The following DNAH8 variants were observed in gnomAD, a reference collection of about 807,000 sequenced individuals.
DNAH8 encodes the protein axonemal beta dynein heavy chain 8.
DNAH8 carries 382 observed loss-of-function variants against 562.1 expected under a neutral mutation model. The ratio of observed to expected loss-of-function variants is 0.68; its 90% confidence interval spans 0.63 to 0.74. The LOEUF is 0.74. Among genes scored for constraint, DNAH8 ranks in the 30% least tolerant of loss-of-function variants. The probability of loss-of-function intolerance (pLI) is 0.00; values close to 1 mark genes in which losing one functional copy is unlikely to be tolerated. For synonymous variants in DNAH8, 1,881 were observed against 1,919.4 expected (o/e 0.98, Z 0.52); for missense variants, 5,203 against 5,620.4 (o/e 0.93, Z 2.37).
chr6:39,010,790 C>T (rs543317426), intron 89 of DNAH8, among the ~76,000 whole-genome samples: 4 of 131,558 alleles, frequency 3.0e-5, no homozygotes, highest in South Asian at 2.5e-4. Context: ...TACACACACA[C>T]GCACGTGTAC....
intron 88 of DNAH8, among the ~76,000 whole-genome samples, chr6:39,002,903 A>C (rs1028734413): frequency 1.3e-5 from 2 of 152,204 alleles, no homozygotes; most frequent in Non-Finnish European, 2.9e-5. Context: ...ATGACACCTT[A>C]TGCATTTATC....
chr6:38,858,646 C>A (rs1776379254), intron 42 of DNAH8, among the ~76,000 whole-genome samples: 1 of 152,168 alleles, frequency 6.6e-6, no homozygotes, highest in Admixed American at 6.5e-5. Flanking sequence ...TGCATTTTAT[C>A]AAGATTCTTA....
At chr6:38,917,141 T>C (rs180889215) in intron 68 of DNAH8, 98 bp from the exon 69 acceptor site, 40 of 855,982 alleles carry the variant, frequency 4.7e-5, no homozygotes, top group Non-Finnish European at 6.2e-5. Context: ...AAATATGTTT[T>C]AAAGTTTTCT....
At chr6:38,772,390 C>T (rs2127624500) in intron 12 of DNAH8, among the ~76,000 whole-genome samples, 1 of 152,252 alleles carries the variant, frequency 6.6e-6, no homozygotes, top group South Asian at 2.1e-4. Context: ...TTGAATTTAG[C>T]CATTCTACTG....
At chr6:38,956,173 A>T (rs1223467471) in intron 82 of DNAH8, among the ~76,000 whole-genome samples, 1 of 152,214 alleles carries the variant, frequency 6.6e-6, no homozygotes, top group African/African-American at 2.4e-5. Flanking sequence ...AGGCTTGCTC[A>T]TATCTAGCAG....
intron 8 of DNAH8, 54 bp downstream of exon 8, chr6:38,741,941 A>T: frequency 2.0e-6 from 3 of 1,476,246 alleles, no homozygotes; most frequent in Non-Finnish European, 2.8e-6. Flanking sequence ...CAACTAGAAA[A>T]TTATCCTATT....
Position 38,929,509 on chromosome 6 carries a change from A to C in DNAH8, c.11119-2A>C, listed in dbSNP as rs760631629. ...ATAGACCAATGAGTTCTTTCTGTTT[A>C]GGTGACATCTCTGAACCATAAATAT... is the stretch of plus-strand genomic sequence containing the variant. On this transcript the variant is annotated splice_acceptor_variant, in intron 74 of 92. Coordinates refer to ENST00000327475, the MANE Select transcript of DNAH8 (RefSeq NM_001206927.2). LOFTEE classifies it high-confidence loss of function. 2 of 1,608,122 alleles carry C rather than the reference A, an allele frequency of 1.2e-6. No homozygotes were observed. The highest frequency in any genetic ancestry group is 2.7e-5 in the African/African-American group (2 of 74,676).
chr6:38,869,279 C>T (rs1777288161), intron 48 of DNAH8, among the ~76,000 whole-genome samples: 1 of 152,122 alleles, frequency 6.6e-6, no homozygotes, highest in African/African-American at 2.4e-5. Flanking sequence ...CCCATAATCA[C>T]CATCAGCTGA....
intron 57 of DNAH8, among the ~76,000 whole-genome samples, chr6:38,888,026 A>T (rs771669455): frequency 4.6e-5 from 7 of 151,668 alleles, no homozygotes; most frequent in Non-Finnish European, 8.8e-5. Context: ...TTTAGTAGAG[A>T]CGGGGTTTCA....
At chr6:38,923,456 A>G (rs923839062) in intron 72 of DNAH8, 2 of 289,340 alleles carry the variant, frequency 6.9e-6, no homozygotes, top group Non-Finnish European at 1.3e-5. Flanking sequence ...CCAGTTCTCT[A>G]TGCTTCACCT....
intron 91 of DNAH8, among the ~76,000 whole-genome samples, chr6:39,013,798 C>A (rs1203612913): frequency 6.6e-6 from 1 of 151,574 alleles, no homozygotes; most frequent in Non-Finnish European, 1.5e-5. Flanking sequence ...TTGCAGTGAG[C>A]CATAATTGCA....
At chr6:38,825,633 T>C (rs1368391432) in intron 28 of DNAH8, among the ~76,000 whole-genome samples, 1 of 152,114 alleles carries the variant, frequency 6.6e-6, no homozygotes, top group African/African-American at 2.4e-5. Context: ...GAAAAGACTC[T>C]GATTGGTCCA....
At chr6:38,923,260 T>G in intron 72 of DNAH8, 75 bp downstream of exon 72, 1 of 1,557,492 alleles carries the variant, frequency 6.4e-7, no homozygotes, top group Non-Finnish European at 8.7e-7. Flanking sequence ...TTCCATGTGT[T>G]CATCTCTGAA....
In DNAH8 at chr6:38,938,012, C is replaced by T. The variant is rs769929539; in HGVS notation, c.11602C>T (p.Arg3868Ter). The T allele has an allele frequency of 3.8e-5, 61 of 1,613,496 alleles. No individual in the cohort carries two copies. Among genetic ancestry groups the T allele is most frequent in the Non-Finnish European group, 4.2e-5 (49 of 1,179,934 alleles). Reference sequence around the variant, plus strand: ...TGACGAATCTCTCATTGGTGTACTTCGAACTACCAAGCAGACAGCAGCTGA... The same window carrying T: ...TGACGAATCTCTCATTGGTGTACTTTGAACTACCAAGCAGACAGCAGCTGA... ...VDDESLIGVL[R>*]TTKQTAAEVS... Residue 3868 changes from arginine to a stop codon, truncating the protein, a stop_gained, in exon 78 of 93, where the codon CGA becomes TGA. Coordinates refer to ENST00000327475, the MANE Select transcript of DNAH8 (RefSeq NM_001206927.2). LOFTEE classifies it high-confidence loss of function.
intron 20 of DNAH8, among the ~76,000 whole-genome samples, chr6:38,790,873 G>A (rs1036399904): frequency 6.6e-6 from 1 of 151,712 alleles, no homozygotes; most frequent in Admixed American, 6.6e-5. Flanking sequence ...ACTGGATTGG[G>A]GTCTTCATTT....
At chr6:39,021,322 T>C (rs941797824) in intron 91 of DNAH8, among the ~76,000 whole-genome samples, 2 of 144,178 alleles carry the variant, frequency 1.4e-5, no homozygotes, top group African/African-American at 5.1e-5. Flanking sequence ...AATCAGAACA[T>C]GCACTTTTAG....
rs745926719 is a variant in DNAH8 at position 38,781,378 on chromosome 6, G to T, written c.2259+5G>T. On this transcript the variant is annotated splice_donor_5th_base_variant and intron_variant, in intron 16 of 92. Transcript: ENST00000327475. ...GAGCCCATCAATTATTTCTTTGTAAGCCAAGAATTAAATTTTAATATGTGG... is the reference window on the plus strand; with the variant it reads ...GAGCCCATCAATTATTTCTTTGTAATCCAAGAATTAAATTTTAATATGTGG... 1.9e-6 allele frequency: 3 copies of T among 1,612,036 alleles called. No homozygotes were observed. The highest frequency in any genetic ancestry group is 2.5e-6 in the Non-Finnish European group (3 of 1,179,226).
intron 91 of DNAH8, among the ~76,000 whole-genome samples, chr6:39,023,607 G>C (rs1418325503): frequency 6.6e-6 from 1 of 152,110 alleles, no homozygotes; most frequent in Non-Finnish European, 1.5e-5. Flanking sequence ...AATTATACAG[G>C]CTTCAAAAAA....
chr6:38,719,083 T>C (rs1353110691), intron 1 of DNAH8, among the ~76,000 whole-genome samples: 1 of 152,200 alleles, frequency 6.6e-6, no homozygotes, highest in Non-Finnish European at 1.5e-5. Flanking sequence ...CAATTTAACA[T>C]TCTTGATTGA....
Sources: gnomAD v4.1 joint callset for allele counts (sites outside exome capture counted in the v4.1 genomes callset) on GRCh38, gnomAD v4.1.1 for gene constraint, MANE v1.5 for transcripts, NCBI Gene and HGNC (gene_info 2026-07-23, HGNC 2026-07-21) for gene names.